KIF6: variants seen among roughly 807,000 people sequenced by gnomAD.
The protein encoded by KIF6 is kinesin family member 6, also known as kinesin-like protein KIF6.
In KIF6, 106 loss-of-function variants were observed where a neutral mutation model predicts 112.7. The ratio of observed to expected loss-of-function variants is 0.94; its 90% CI spans 0.80 to 1.11. The LOEUF (loss-of-function observed/expected upper bound fraction) is 1.11, where lower values mean the gene tolerates loss of function less well. KIF6 is among the 50% of genes least tolerant of loss of function. The pLI is 0.00. For missense variants in KIF6, 929 were observed against 964.0 expected (o/e 0.96, Z 0.48); for synonymous variants, 339 against 339.9 (o/e 1.00, Z 0.03).
chr6:39,718,120 C>T (rs1213812320), intron 2 of KIF6, among the ~76,000 whole-genome samples: 2 of 149,872 alleles, frequency 1.3e-5, no homozygotes, highest in African/African-American at 2.5e-5. Flanking sequence ...ATCCCAGCTA[C>T]TCAGGAGGCT....
intron 15 of KIF6, among the ~76,000 whole-genome samples, chr6:39,414,071 A>G (rs953887899): frequency 7.9e-5 from 12 of 152,186 alleles, no homozygotes; most frequent in African/African-American, 2.9e-4. Context: ...TGACATGGAA[A>G]TGCTGGGTAG....
At chr6:39,585,487 A>G (rs549992608) in intron 8 of KIF6, among the ~76,000 whole-genome samples, 4 of 152,276 alleles carry the variant, frequency 2.6e-5, no homozygotes, top group Non-Finnish European at 5.9e-5. Context: ...CCTGCTCTAG[A>G]ACATTATTTT....
intron 3 of KIF6, among the ~76,000 whole-genome samples, chr6:39,685,399 T>G (rs1293306084): frequency 6.6e-6 from 1 of 152,138 alleles, no homozygotes; most frequent in East Asian, 1.9e-4. Flanking sequence ...TGTACTTGAT[T>G]GGTTGGGTCT....
At chr6:39,428,386 G>A (rs748103576) in intron 14 of KIF6, among the ~76,000 whole-genome samples, 5 of 152,216 alleles carry the variant, frequency 3.3e-5, no homozygotes, top group Admixed American at 6.5e-5. Context: ...GCCCCAACAC[G>A]TCCAACTAGC....
At chr6:39,425,308 C>T (rs1770687405) in intron 14 of KIF6, among the ~76,000 whole-genome samples, 3 of 152,296 alleles carry the variant, frequency 2.0e-5, no homozygotes, top group Admixed American at 6.5e-5. Flanking sequence ...AGTGAACATC[C>T]AATACCCTTC....
At chr6:39,448,105 G>C (rs907395936) in intron 13 of KIF6, among the ~76,000 whole-genome samples, 2 of 152,064 alleles carry the variant, frequency 1.3e-5, no homozygotes, top group African/African-American at 2.4e-5. Context: ...CATCAGCCTC[G>C]GTCTCTGGGG....
chr6:39,706,842 T>C (rs1353739248), intron 3 of KIF6, among the ~76,000 whole-genome samples: 1 of 152,226 alleles, frequency 6.6e-6, no homozygotes, highest in Non-Finnish European at 1.5e-5. Flanking sequence ...TTAGCTTTAT[T>C]GAATCCCCTG....
chr6:39,624,123 G>T (rs966290403), intron 5 of KIF6, among the ~76,000 whole-genome samples: 1 of 152,202 alleles, frequency 6.6e-6, no homozygotes, highest in Non-Finnish European at 1.5e-5. Context: ...TCTAAATCAT[G>T]TGTATGCTCT....
At chr6:39,416,121 C>T (rs1240450712) in intron 15 of KIF6, among the ~76,000 whole-genome samples, 1 of 152,216 alleles carries the variant, frequency 6.6e-6, no homozygotes, top group Non-Finnish European at 1.5e-5. Flanking sequence ...TTTTACCTGC[C>T]TGCAAGGCAG....
At chr6:39,525,344 G>A (rs1320298073) in intron 13 of KIF6, among the ~76,000 whole-genome samples, 1 of 152,126 alleles carries the variant, frequency 6.6e-6, no homozygotes, top group Non-Finnish European at 1.5e-5. Context: ...AAGAGCTACT[G>A]TACTTGGGCC....
chr6:39,364,061 GAAC>G (rs999274067), intron 16 of KIF6, among the ~76,000 whole-genome samples: 3 of 151,410 alleles, frequency 2.0e-5, no homozygotes, highest in Non-Finnish European at 4.4e-5. Context: ...TTAAATATCT[GAAC>G]AACAACATCA....
chr6:39,434,976 T>C (rs1453225428), intron 13 of KIF6, among the ~76,000 whole-genome samples: 1 of 152,258 alleles, frequency 6.6e-6, no homozygotes, highest in South Asian at 2.1e-4. Context: ...CTTTCTTATA[T>C]ATTATTTCAG....
chr6:39,525,985 T>G (rs1050751972), intron 13 of KIF6, among the ~76,000 whole-genome samples: 1 of 152,208 alleles, frequency 6.6e-6, no homozygotes, highest in African/African-American at 2.4e-5. Context: ...GCTCATTTGT[T>G]TTGTTGAAAA....
intron 12 of KIF6, among the ~76,000 whole-genome samples, chr6:39,543,562 A>C (rs1778909059): frequency 1.3e-5 from 2 of 152,210 alleles, no homozygotes; most frequent in South Asian, 4.1e-4. Flanking sequence ...TCCTTTATGT[A>C]GACTATTTTC....
intron 13 of KIF6, among the ~76,000 whole-genome samples, chr6:39,529,513 G>T (rs142326506): frequency 6.6e-6 from 1 of 152,106 alleles, no homozygotes. Context: ...CTGGCCAGGC[G>T]CAGTGGCTCA....
chr6:39,632,377 C>T (rs867449933), intron 5 of KIF6, among the ~76,000 whole-genome samples: 32 of 151,978 alleles, frequency 2.1e-4, no homozygotes, highest in Non-Finnish European at 1.8e-4. Flanking sequence ...GGTATATTGC[C>T]ATTGTCCCTC....
chr6:39,395,661 T>TC (rs1201929901), intron 15 of KIF6, among the ~76,000 whole-genome samples: 2 of 152,232 alleles, frequency 1.3e-5, no homozygotes, highest in Admixed American at 6.5e-5. Context: ...CATCCTTATA[T>TC]CCCCAGAAGT....
At chr6:39,369,446 T>G (rs1765804526) in intron 16 of KIF6, among the ~76,000 whole-genome samples, 2 of 152,166 alleles carry the variant, frequency 1.3e-5, no homozygotes, top group Admixed American at 1.3e-4. Flanking sequence ...TGTGAGAAGA[T>G]AAATGGCTGT....
intron 20 of KIF6, 117 bp downstream of exon 20, chr6:39,346,359 T>C (rs754358682): frequency 9.3e-5 from 66 of 707,950 alleles, no homozygotes; most frequent in Non-Finnish European, 3.9e-5. Context: ...GGTAGAACTC[T>C]CATGAATGGG....
Sources: allele counts gnomAD v4.1 joint callset (sites outside exome capture counted in the v4.1 genomes callset), GRCh38; gene constraint gnomAD v4.1.1; transcripts MANE v1.5; gene names NCBI Gene and HGNC (gene_info 2026-07-23, HGNC 2026-07-21).